The following GNAL variants were observed in gnomAD, a reference collection of about 807,000 sequenced individuals.
GNAL encodes guanine nucleotide-binding protein G(olf) subunit alpha.
Under a neutral mutation model 55.1 loss-of-function variants are expected in GNAL, and 18 were observed. That is an observed-to-expected ratio of 0.33 (90% CI 0.23 to 0.48). The LOEUF (loss-of-function observed/expected upper bound fraction) is 0.48, where lower values mean the gene tolerates loss of function less well. Among genes scored for constraint, GNAL ranks in the 20% least tolerant of loss-of-function variants. The pLI, the probability that GNAL is intolerant of heterozygous loss-of-function variation, is 0.99. For synonymous variants in GNAL, 253 were observed against 237.0 expected (o/e 1.07, Z -0.62); for missense variants, 412 against 614.1 (o/e 0.67, Z 3.48).
intron 5 of GNAL, among the ~76,000 whole-genome samples, chr18:11,825,433 T>G (rs1409091643): frequency 6.6e-6 from 1 of 152,104 alleles, no homozygotes; most frequent in Non-Finnish European, 1.5e-5. Flanking sequence ...CTGTACACAT[T>G]AGAAGTATAC....
intron 4 of GNAL, among the ~76,000 whole-genome samples, chr18:11,811,077 T>C (rs1216662314): frequency 6.6e-6 from 1 of 152,158 alleles, no homozygotes; most frequent in Non-Finnish European, 1.5e-5. Flanking sequence ...TTACTTACCA[T>C]GTGTTGCTCC....
Position 11,751,589 on chromosome 18 carries a change from G to A in GNAL, c.377-1264G>A, listed in dbSNP as rs970721225. Reference sequence around the variant, plus strand: ...CTTCGCCCGCCAGGAGCAGGGACGCGTCCGAGCCAACACGGGGCGCGCGCC... The same window carrying A: ...CTTCGCCCGCCAGGAGCAGGGACGCATCCGAGCCAACACGGGGCGCGCGCC... On this transcript the variant is annotated intron_variant, in intron 1 of 11. Coordinates refer to ENST00000334049, the MANE Select transcript of GNAL (RefSeq NM_182978.4). This position sits in a 1 kb window ranked among gnomAD's most constrained non-coding sequence, Gnocchi z 4.5. The A allele has an allele frequency of 4.1e-6, 4 of 985,374 alleles. No individual in the cohort carries two copies. The highest frequency in any genetic ancestry group is 3.5e-5 in the African/African-American group (2 of 57,238). The allele number at this position is 985,374 out of a possible 1,614,324, so 61.0% of individuals were successfully genotyped here.
rs199831592 is a variant in GNAL at position 11,871,084 on chromosome 18, CAT to C, written c.1032-1182_1032-1181del. ...ACAGAAAAAAACTTGGGCATGAAAACATAAAATTTCTGTAGTAATTGTTTCTG... is the reference window on the plus strand; with the variant it reads ...ACAGAAAAAAACTTGGGCATGAAAACAAAATTTCTGTAGTAATTGTTTCTG... On this transcript the variant is annotated intron_variant, in intron 9 of 11. Transcript: ENST00000334049. 5.9e-4 allele frequency among the ~76,000 whole-genome samples: 90 copies of C among 152,200 alleles called. 2 individuals carry two copies. The East Asian group carries it at 0.017, about 28-fold the overall frequency.
Position 11,851,758 on chromosome 18 carries a change from G to A in GNAL, c.723-10637G>A, listed in dbSNP as rs993999075. The stretch of plus-strand genomic sequence containing the variant: ...AGTGGCTGCCAGGGTCCAGACGGCG[G>A]TGACGATGGGCAAGGTGACCAAGTC... On this transcript the variant is annotated intron_variant, in intron 5 of 11. Transcript: ENST00000334049. The A allele has an allele frequency of 1.4e-5, 22 of 1,613,908 alleles. No individual in the cohort carries two copies. The highest frequency in any genetic ancestry group is 1.7e-5 in the Non-Finnish European group (20 of 1,179,894).
At chr18:11,735,213 T>A (rs1168393644) in intron 1 of GNAL, among the ~76,000 whole-genome samples, 2 of 151,140 alleles carry the variant, frequency 1.3e-5, no homozygotes, top group East Asian at 4.0e-4. Context: ...ACCACACCCG[T>A]CTAATTTTTG....
chr18:11,849,184 C>T (rs185475928), intron 5 of GNAL, among the ~76,000 whole-genome samples: 103 of 152,300 alleles, frequency 6.8e-4, no homozygotes, highest in Non-Finnish European at 1.2e-3. Context: ...TCCAAACCAT[C>T]TCACCTAGTC....
At chr18:11,872,207 T>C (rs1285239236) in intron 9 of GNAL, 61 bp from the exon 10 acceptor site, 57 of 1,112,210 alleles carry the variant, frequency 5.1e-5, no homozygotes, top group Non-Finnish European at 7.3e-5. Flanking sequence ...AACTTCTATG[T>C]TAGAGGCACT....
chr18:11,833,416 A>C (rs1161350030), intron 5 of GNAL: 2 of 152,204 alleles, frequency 1.3e-5, no homozygotes, highest in Admixed American at 1.3e-4. Flanking sequence ...TATGAAAAAT[A>C]AATGTAGCAG....
intron 9 of GNAL, 47 bp from the exon 10 acceptor site, chr18:11,872,221 A>T: frequency 1.5e-6 from 2 of 1,312,982 alleles, no homozygotes; most frequent in Non-Finnish European, 2.1e-6. Context: ...AGGCACTTTC[A>T]TGTACTAGTG....
chr18:11,875,898 G>T (rs2036520610), intron 10 of GNAL, among the ~76,000 whole-genome samples: 1 of 152,158 alleles, frequency 6.6e-6, no homozygotes, highest in Non-Finnish European at 1.5e-5. Flanking sequence ...TCTGGTAAGG[G>T]TTTCTCTGCT....
intron 11 of GNAL, among the ~76,000 whole-genome samples, chr18:11,880,624 G>A (rs1815323927): frequency 6.6e-6 from 1 of 152,136 alleles, no homozygotes; most frequent in South Asian, 2.1e-4. Context: ...TTAGAAATCA[G>A]CCCCTTGGTG....
chr18:11,689,505 C>A lies in GNAL; in HGVS notation c.-59C>A. 1 of 849,898 alleles carries A rather than the reference C, an allele frequency of 1.2e-6. No individual in the cohort carries two copies. Among genetic ancestry groups the A allele is most frequent in the South Asian group, 5.5e-5 (1 of 18,038 alleles). 52.6% of individuals were successfully genotyped at this position (849,898 alleles called of 1,614,324 possible). ...CCTGAACTGGGCGCGGGAACCAGGCCGCCCTCGGCGCCCAGCCTGCCCTAG... is the reference window on the plus strand; with the variant it reads ...CCTGAACTGGGCGCGGGAACCAGGCAGCCCTCGGCGCCCAGCCTGCCCTAG... On this transcript the variant is annotated 5_prime_UTR_variant, in exon 1 of 12. Transcript: ENST00000334049.
At chr18:11,731,358 G>T (rs937622900) in intron 1 of GNAL, among the ~76,000 whole-genome samples, 1 of 152,200 alleles carries the variant, frequency 6.6e-6, no homozygotes, top group Non-Finnish European at 1.5e-5. Context: ...ATGTTGGCCA[G>T]GCTGGTTCTC....
At chr18:11,733,741 T>G (rs896772760) in intron 1 of GNAL, among the ~76,000 whole-genome samples, 1 of 151,988 alleles carries the variant, frequency 6.6e-6, no homozygotes, top group Admixed American at 6.6e-5. Flanking sequence ...GAACAGACAT[T>G]AGAGAGGCAG....
At chr18:11,834,955 C>G (rs1458407353) in intron 5 of GNAL, among the ~76,000 whole-genome samples, 1 of 152,206 alleles carries the variant, frequency 6.6e-6, no homozygotes, top group East Asian at 1.9e-4. Context: ...CTCTGTGCCT[C>G]TTAGGGACTC....
intron 5 of GNAL, chr18:11,852,811 C>T (rs1187367728): frequency 6.0e-6 from 1 of 167,012 alleles, no homozygotes; most frequent in East Asian, 1.9e-4. Flanking sequence ...CGAATAACTT[C>T]CTTTATTATC....
At chr18:11,696,483 C>T (rs886614622) in intron 1 of GNAL, among the ~76,000 whole-genome samples, 6 of 147,388 alleles carry the variant, frequency 4.1e-5, no homozygotes, top group Middle Eastern at 3.5e-3. Context: ...TAAGCTTGGG[C>T]GACTGAGCAA....
chr18:11,756,330 G>C (rs1053073413), intron 4 of GNAL, among the ~76,000 whole-genome samples: 20 of 152,214 alleles, frequency 1.3e-4, no homozygotes, highest in Admixed American at 1.1e-3. Context: ...TTACTTAAAA[G>C]TTATTTTCAG....
chr18:11,689,793 G>A lies in GNAL; in HGVS notation c.230G>A (p.Arg77His). ...KADKPKEKRQ[R>H]TEQLSAEERE... is the part of the protein sequence containing the mutation. ...GACAAGCCGAAGGAGAAGCGGCAGCGCACCGAGCAGCTGAGTGCCGAGGAG... is the reference window on the plus strand; with the variant it reads ...GACAAGCCGAAGGAGAAGCGGCAGCACACCGAGCAGCTGAGTGCCGAGGAG... The change falls in exon 1 of 12, where the codon CGC becomes CAC. Residue 77 changes from arginine to histidine, a missense_variant. Around this residue, in one of 5 missense-constraint regions of GNAL, gnomAD observed 228 missense variants for 194.8 expected, o/e 1.17. Coordinates refer to ENST00000334049, the MANE Select transcript of GNAL (RefSeq NM_182978.4). 1 of 1,535,318 alleles carries A rather than the reference G, an allele frequency of 6.5e-7. No homozygotes were observed. The highest frequency in any genetic ancestry group is 2.6e-5 in the East Asian group (1 of 38,390).
Sources: gnomAD v4.1 joint callset for allele counts (sites outside exome capture counted in the v4.1 genomes callset) on GRCh38, gnomAD v4.1.1 for gene constraint, gnomAD v4.1.1 regional missense constraint, Gnocchi (gnomAD v3.1) non-coding constraint, MANE v1.5 for transcripts, NCBI Gene and HGNC (gene_info 2026-07-23, HGNC 2026-07-21) for gene names.